Variants in CALCR observed in about 807,000 individuals in gnomAD.
The protein encoded by CALCR is calcitonin receptor.
A neutral mutation model predicts 59.5 loss-of-function variants in CALCR; 47 were observed. That is an observed-to-expected ratio of 0.79 (90% CI 0.63 to 1.01). The LOEUF (loss-of-function observed/expected upper bound fraction) is 1.01, where lower values mean the gene tolerates loss of function less well. CALCR is among the 50% of genes least tolerant of loss of function. The pLI, the probability that CALCR is intolerant of heterozygous loss-of-function variation, is 0.00. For synonymous variants in CALCR, 213 were observed against 211.3 expected (o/e 1.01, Z -0.07); for missense variants, 566 against 597.1 (o/e 0.95, Z 0.54).
intron 2 of CALCR, among the ~76,000 whole-genome samples, chr7:93,565,215 G>A (rs1391918145): frequency 6.6e-6 from 1 of 152,204 alleles, no homozygotes; most frequent in East Asian, 1.9e-4. Context: ...CCTCCTGGTT[G>A]GAAAATATGT....
chr7:93,549,713 C>A (rs1789396944), intron 2 of CALCR, among the ~76,000 whole-genome samples: 1 of 152,140 alleles, frequency 6.6e-6, no homozygotes, highest in African/African-American at 2.4e-5. Context: ...TTGACGAAGA[C>A]CTTATTAAAT....
intron 2 of CALCR, among the ~76,000 whole-genome samples, chr7:93,491,322 A>ATACC (rs1349636130): frequency 3.3e-5 from 5 of 152,066 alleles, no homozygotes; most frequent in Non-Finnish European, 7.4e-5. Flanking sequence ...AACCTAGGCA[A>ATACC]TACCATTCAG....
intron 2 of CALCR, among the ~76,000 whole-genome samples, chr7:93,532,741 G>T (rs1788872437): frequency 6.7e-6 from 1 of 148,896 alleles, no homozygotes; most frequent in Non-Finnish European, 1.5e-5. Flanking sequence ...AATACAAATG[G>T]CAGGGGTGAT....
chr7:93,569,037 G>A (rs893961259), intron 2 of CALCR, among the ~76,000 whole-genome samples: 2 of 151,364 alleles, frequency 1.3e-5, no homozygotes, highest in Non-Finnish European at 2.9e-5. Context: ...AATTTCTATC[G>A]TTCACCAAAT....
At chr7:93,454,914 TTTTG>T (rs1584548365) in intron 8 of CALCR, among the ~76,000 whole-genome samples, 1 of 107,250 alleles carries the variant, frequency 9.3e-6, no homozygotes, top group African/African-American at 5.5e-5. Flanking sequence ...GGACAGGGCA[TTTTG>T]TGTGTGTGTG....
chr7:93,426,129 G>A lies in CALCR; in HGVS notation c.*227C>T, dbSNP rs1364597017. 1.0e-5 allele frequency: 5 copies of A among 491,518 alleles called. No individual in the cohort carries two copies. Among genetic ancestry groups the A allele is most frequent in the Non-Finnish European group, 1.8e-5 (5 of 279,408 alleles). The allele number at this position is 491,518 out of a possible 1,614,324, so 30.4% of individuals were successfully genotyped here. A position where few individuals can be genotyped will look rare whatever the true frequency, so the allele number is the denominator to read the frequency against. On this transcript the variant is annotated 3_prime_UTR_variant, in exon 14 of 14. Coordinates refer to ENST00000426151, the MANE Select transcript of CALCR (RefSeq NM_001742.4). The stretch of plus-strand genomic sequence containing the variant: ...TGACATTTGCATCTCAGTCCTGGAT[G>A]AATGATGGAGTTCACAAGTTGCAGT...
intron 13 of CALCR, among the ~76,000 whole-genome samples, chr7:93,433,830 G>A (rs944172488): frequency 6.6e-6 from 1 of 152,144 alleles, no homozygotes. Flanking sequence ...TTTTCAAAAC[G>A]CTGAGTAAGT....
intron 8 of CALCR, among the ~76,000 whole-genome samples, chr7:93,446,725 A>G (rs1800012941): frequency 6.6e-6 from 1 of 151,992 alleles, no homozygotes; most frequent in Admixed American, 6.6e-5. Flanking sequence ...CTTAATTAGC[A>G]GCATGGGGTA....
chr7:93,496,471 C>A (rs1028103415), intron 2 of CALCR, among the ~76,000 whole-genome samples: 1 of 151,466 alleles, frequency 6.6e-6, no homozygotes, highest in Non-Finnish European at 1.5e-5. Context: ...ATTAAGCCTG[C>A]AAGTCATGAG....
intron 4 of CALCR, among the ~76,000 whole-genome samples, chr7:93,478,875 TA>T (rs1159885485): frequency 6.6e-6 from 1 of 151,580 alleles, no homozygotes; most frequent in Non-Finnish European, 1.5e-5. Flanking sequence ...GGCTAGGAGG[TA>T]CCTTTTTGTA....
intron 2 of CALCR, among the ~76,000 whole-genome samples, chr7:93,551,435 T>C (rs568569128): frequency 6.6e-6 from 1 of 152,340 alleles, no homozygotes; most frequent in South Asian, 2.1e-4. Context: ...GATTACATGA[T>C]TCACATGCTC....
At chr7:93,465,068 C>G (rs1800412690) in intron 7 of CALCR, among the ~76,000 whole-genome samples, 1 of 151,888 alleles carries the variant, frequency 6.6e-6, no homozygotes, top group Non-Finnish European at 1.5e-5. Context: ...ATATTTCTAT[C>G]AGCTTTCAGG....
chr7:93,436,301 G>T, intron 11 of CALCR, 131 bp from the exon 12 acceptor site: 1 of 707,446 alleles, frequency 1.4e-6, no homozygotes, highest in Non-Finnish European at 2.4e-6. Flanking sequence ...GTCTACCTGA[G>T]AGGTAGCACA....
At chr7:93,492,238 C>A (rs1273097433) in intron 2 of CALCR, among the ~76,000 whole-genome samples, 3 of 150,838 alleles carry the variant, frequency 2.0e-5, no homozygotes, top group Non-Finnish European at 3.0e-5. Context: ...CACACCAAGG[C>A]CTGTTGGTGG....
At chr7:93,430,365 C>G (rs2115664377) in intron 13 of CALCR, among the ~76,000 whole-genome samples, 1 of 152,228 alleles carries the variant, frequency 6.6e-6, no homozygotes, top group South Asian at 2.1e-4. Flanking sequence ...GAGGCCATAG[C>G]AGCAATATCT....
intron 2 of CALCR, among the ~76,000 whole-genome samples, chr7:93,494,995 A>G (rs1270302751): frequency 1.3e-5 from 2 of 151,420 alleles, no homozygotes; most frequent in African/African-American, 2.4e-5. Flanking sequence ...GGTGGAATCT[A>G]GAGACTGATT....
chr7:93,440,545 C>CTGTGTG (rs71528068), intron 9 of CALCR, among the ~76,000 whole-genome samples: 26,175 of 150,238 alleles, frequency 0.17, 2,561 homozygotes, highest in East Asian at 0.46. Flanking sequence ...GTGTGTGTGT[C>CTGTGTG]TGTGTGTGTG....
chr7:93,506,751 T>C (rs948638061), intron 2 of CALCR, among the ~76,000 whole-genome samples: 2 of 152,096 alleles, frequency 1.3e-5, no homozygotes, highest in African/African-American at 4.8e-5. Flanking sequence ...CTCTGGGAAG[T>C]TGGCTTAATA....
intron 2 of CALCR, chr7:93,495,957 C>G: frequency 2.6e-6 from 4 of 1,514,694 alleles, no homozygotes; most frequent in Non-Finnish European, 3.5e-6. Context: ...GTGGGTGGAT[C>G]AGTGGGAATC....
Sources: allele counts gnomAD v4.1 joint callset (sites outside exome capture counted in the v4.1 genomes callset), GRCh38; gene constraint gnomAD v4.1.1; transcripts MANE v1.5; gene names NCBI Gene and HGNC (gene_info 2026-07-23, HGNC 2026-07-21).